The following TMEM164 variants were observed in gnomAD, a reference collection of about 807,000 sequenced individuals.
TMEM164 encodes the protein transmembrane protein 164.
Under a neutral mutation model 18.8 loss-of-function variants are expected in TMEM164, and 4 were observed. The ratio of observed to expected loss-of-function variants is 0.21; its 90% CI spans 0.10 to 0.49. The LOEUF is 0.49. Ranked by LOEUF, TMEM164 falls within the 20% of genes least tolerant of loss-of-function variation. The pLI, the probability that TMEM164 is intolerant of heterozygous loss-of-function variation, is 0.98. For missense variants in TMEM164, 108 were observed against 239.9 expected (o/e 0.45, Z 3.63); for synonymous variants, 86 against 101.7 (o/e 0.85, Z 0.93).
chrX:110,022,667 G>A (rs955720089), intron 2 of TMEM164, among the ~76,000 whole-genome samples: 3 of 112,183 alleles, frequency 2.7e-5, no homozygotes, highest in African/African-American at 9.7e-5. Context: ...GTTAGATAGT[G>A]TGTGGTGAAT....
chrX:110,085,083 A>G (rs2065831217), intron 3 of TMEM164, among the ~76,000 whole-genome samples: 1 of 109,722 alleles, frequency 9.1e-6, no homozygotes, highest in Non-Finnish European at 1.9e-5. Flanking sequence ...ACACAAAATT[A>G]AGACGTTTTT....
At chrX:110,141,459 C>A (rs1212846682) in intron 4 of TMEM164, among the ~76,000 whole-genome samples, 1 of 112,080 alleles carries the variant, frequency 8.9e-6, no homozygotes. Flanking sequence ...ACAATCATGG[C>A]AGAAGGTGAA....
chrX:110,045,702 A>G (rs928291627), intron 2 of TMEM164, among the ~76,000 whole-genome samples: 1 of 112,031 alleles, frequency 8.9e-6, no homozygotes. Flanking sequence ...GGAAGCTGAG[A>G]GCCTAAGGCA....
intron 5 of TMEM164, among the ~76,000 whole-genome samples, chrX:110,152,981 A>T (rs1445685181): frequency 1.8e-5 from 2 of 110,211 alleles, no homozygotes; most frequent in African/African-American, 3.3e-5. Flanking sequence ...ATGTCTTTAC[A>T]CTCCCTTCTT....
chrX:110,113,125 C>T (rs1368413452), intron 4 of TMEM164, among the ~76,000 whole-genome samples: 4 of 111,654 alleles, frequency 3.6e-5, no homozygotes, highest in African/African-American at 1.3e-4. Context: ...TAATACTTTC[C>T]AAATAAATGT....
At chrX:110,120,935 T>A (rs1264669560) in intron 4 of TMEM164, among the ~76,000 whole-genome samples, 1 of 112,293 alleles carries the variant, frequency 8.9e-6, no homozygotes, top group Non-Finnish European at 1.9e-5. Flanking sequence ...CTTGTTCTAG[T>A]TCTGCCCTGC....
At chrX:110,149,475 G>C (rs2066910468) in intron 5 of TMEM164, among the ~76,000 whole-genome samples, 2 of 111,763 alleles carry the variant, frequency 1.8e-5, no homozygotes, top group Non-Finnish European at 3.8e-5. Context: ...CTCCGTTTTG[G>C]ATTGCTCTGC....
intron 3 of TMEM164, among the ~76,000 whole-genome samples, chrX:110,087,602 G>A (rs770689963): frequency 9.0e-6 from 1 of 111,212 alleles, no homozygotes; most frequent in Admixed American, 9.5e-5. Flanking sequence ...ATCAAGGGTG[G>A]GGGAACTCAT....
intron 2 of TMEM164, among the ~76,000 whole-genome samples, chrX:110,058,275 T>C (rs1935945457): frequency 9.1e-6 from 1 of 110,330 alleles, no homozygotes; most frequent in South Asian, 3.8e-4. Flanking sequence ...TTTTTCTTTT[T>C]CTCTTCTGAT....
intron 3 of TMEM164, among the ~76,000 whole-genome samples, chrX:110,100,007 G>A (rs1348382239): frequency 1.8e-5 from 2 of 112,258 alleles, no homozygotes; most frequent in Non-Finnish European, 3.8e-5. Flanking sequence ...CACTGCTACT[G>A]TGTAGAAGTG....
chrX:110,138,024 A>G (rs1221249230), intron 4 of TMEM164, among the ~76,000 whole-genome samples: 1 of 112,234 alleles, frequency 8.9e-6, no homozygotes, highest in Non-Finnish European at 1.9e-5. Context: ...TGTGTGACTT[A>G]GGACTGTGGG....
intron 5 of TMEM164, among the ~76,000 whole-genome samples, chrX:110,169,634 C>T (rs1159710909): frequency 8.9e-6 from 1 of 112,258 alleles, no homozygotes; most frequent in Non-Finnish European, 1.9e-5. Context: ...CACCCATGGG[C>T]TGAAATCCAT....
chrX:110,119,414 C>T (rs764924309), intron 4 of TMEM164, among the ~76,000 whole-genome samples: 45 of 110,690 alleles, frequency 4.1e-4, no homozygotes, highest in Non-Finnish European at 6.1e-4. Flanking sequence ...GGCAACATAG[C>T]GAGACCCCAT....
chrX:110,134,771 A>G (rs1835229828), intron 4 of TMEM164, among the ~76,000 whole-genome samples: 2 of 109,647 alleles, frequency 1.8e-5, no homozygotes, highest in Non-Finnish European at 3.8e-5. Context: ...TTGGGGGTCT[A>G]TGGATGCCCC....
At chrX:110,137,476 C>T (rs2066706579) in intron 4 of TMEM164, among the ~76,000 whole-genome samples, 1 of 112,199 alleles carries the variant, frequency 8.9e-6, no homozygotes, top group Non-Finnish European at 1.9e-5. Flanking sequence ...TGCCCATCCT[C>T]TCTTCTCTCG....
At chrX:110,040,618 T>C (rs1935045671) in intron 2 of TMEM164, among the ~76,000 whole-genome samples, 1 of 111,985 alleles carries the variant, frequency 8.9e-6, no homozygotes, top group Non-Finnish European at 1.9e-5. Context: ...ATCTTTTTTT[T>C]CCCCTCTGTA....
In TMEM164 at chrX:110,053,616, T is replaced by A. The variant is rs187417213; in HGVS notation, c.391-13731T>A. The stretch of plus-strand genomic sequence containing the variant: ...AGCACTGCAAACATTAGCTGTCCCA[T>A]GTGGCTTTGACTCTGACACAATTGG... On this transcript the variant is annotated intron_variant, in intron 2 of 6. Transcript: ENST00000372068. Among the ~76,000 whole-genome samples, 408 of 112,061 alleles carry A rather than the reference T, an allele frequency of 3.6e-3. 1 individual carries two copies. The highest frequency in any genetic ancestry group is 0.012 in the African/African-American group (357 of 30,860).
intron 3 of TMEM164, among the ~76,000 whole-genome samples, chrX:110,073,723 C>G (rs1038267545): frequency 8.9e-6 from 1 of 112,093 alleles, no homozygotes; most frequent in Non-Finnish European, 1.9e-5. Context: ...TTTGAGAACT[C>G]TCCAACCTGC....
chrX:110,040,610 C>CT (rs1223675913), intron 2 of TMEM164, among the ~76,000 whole-genome samples: 1 of 111,635 alleles, frequency 9.0e-6, no homozygotes, highest in Non-Finnish European at 1.9e-5. Flanking sequence ...CTGAATGAAT[C>CT]TTTTTTTTCC....
Sources: allele counts gnomAD v4.1 joint callset (sites outside exome capture counted in the v4.1 genomes callset), GRCh38; gene constraint gnomAD v4.1.1; transcripts MANE v1.5; gene names NCBI Gene and HGNC (gene_info 2026-07-23, HGNC 2026-07-21).